Variants in SRGAP1 observed in about 807,000 individuals in gnomAD.
SRGAP1 encodes the protein SLIT-ROBO Rho GTPase activating protein 1.
In SRGAP1, 43 loss-of-function variants were observed where a neutral mutation model predicts 121.9. The observed-to-expected ratio is 0.35, with a 90% CI of 0.28 to 0.46. The LOEUF is 0.46. SRGAP1 is among the 20% of genes least tolerant of loss of function. The pLI, the probability that SRGAP1 is intolerant of heterozygous loss-of-function variation, is 1.00. For missense variants in SRGAP1, 1,102 were observed against 1,350.9 expected, an observed-to-expected ratio of 0.82 and a Z score of 2.89; for synonymous variants, 447 against 485.4, an observed-to-expected ratio of 0.92 and a Z score of 1.04.
At chr12:64,134,540 A>G (rs2036831546) in intron 21 of SRGAP1, among the ~76,000 whole-genome samples, 1 of 152,208 alleles carries the variant, frequency 6.6e-6, no homozygotes, top group Admixed American at 6.5e-5. Context: ...CACCATCCCA[A>G]TCTCCCTAAG....
At chr12:63,949,051 T>TAC (rs2032173342) in intron 1 of SRGAP1, among the ~76,000 whole-genome samples, 15 of 144,626 alleles carry the variant, frequency 1.0e-4, no homozygotes, top group African/African-American at 3.5e-4. Flanking sequence ...TCCATATATG[T>TAC]ATTTTCCATA....
rs1387872565 is a variant in SRGAP1, at chr12:64,153,931, A to G, written c.*11259A>G. ...GATGAATGGGTAAAGAAAATGTGCCATACACATAAAATAGAATATTATGCA... is the reference window on the plus strand; with the variant it reads ...GATGAATGGGTAAAGAAAATGTGCCGTACACATAAAATAGAATATTATGCA... On this transcript the variant is annotated 3_prime_UTR_variant, in exon 22 of 22. Coordinates refer to ENST00000355086, the MANE Select transcript of SRGAP1 (RefSeq NM_020762.4). 1.3e-5 allele frequency: 2 copies of G among 152,252 alleles called. No homozygotes were observed. Among genetic ancestry groups the G allele is most frequent in the Non-Finnish European group, 2.9e-5 (2 of 68,038 alleles). The allele number at this position is 152,252 out of a possible 1,614,324, so 9.4% of individuals were successfully genotyped here.
chr12:63,885,845 C>A (rs913871060), intron 1 of SRGAP1, among the ~76,000 whole-genome samples: 1 of 152,160 alleles, frequency 6.6e-6, no homozygotes, highest in African/African-American at 2.4e-5. Context: ...TGAATGCCTA[C>A]ACACACACAA....
chr12:64,047,144 T>C (rs1366617713), intron 6 of SRGAP1, among the ~76,000 whole-genome samples: 2 of 152,232 alleles, frequency 1.3e-5, no homozygotes, highest in Non-Finnish European at 2.9e-5. Context: ...AATTCTCAAA[T>C]AATATAACTT....
At chr12:63,979,960 A>C (rs2033202607) in intron 1 of SRGAP1, among the ~76,000 whole-genome samples, 1 of 152,194 alleles carries the variant, frequency 6.6e-6, no homozygotes, top group African/African-American at 2.4e-5. Context: ...TGTAGTTCCC[A>C]TGATGACAGT....
At chr12:63,998,406 C>T (rs762620599) in intron 3 of SRGAP1, among the ~76,000 whole-genome samples, 8 of 152,112 alleles carry the variant, frequency 5.3e-5, no homozygotes, top group Non-Finnish European at 1.2e-4. Flanking sequence ...AGAGTGGGTC[C>T]TAGTAGTAAC....
In SRGAP1 at chr12:63,844,875, A is replaced by G; in HGVS notation, c.59A>G (p.Gln20Arg). The G allele has an allele frequency of 1.2e-6, 2 of 1,614,148 alleles. No homozygotes were observed. The highest frequency in any genetic ancestry group is 1.7e-6 in the Non-Finnish European group (2 of 1,179,990). The change falls in exon 1 of 22, where the codon CAA becomes CGA. Residue 20 changes from glutamine (Q) to arginine (R), a missense_variant. This residue lies in a region of SRGAP1 where 747 missense variants were observed against 929.4 expected (regional missense o/e 0.80). Coordinates refer to ENST00000355086, the MANE Select transcript of SRGAP1 (RefSeq NM_020762.4). The surrounding 1 kb of genome is among the most constrained non-coding windows in gnomAD (Gnocchi z 4.3). ...GAGATCATAGCCGAGTATGAAAGTC[A>G]AGTCAAAGGTAAGGATGGGAGCGGC... The part of the protein sequence containing the change: ...DKEIIAEYES[Q>R]VKEIRAQLVE...
intron 4 of SRGAP1, among the ~76,000 whole-genome samples, chr12:64,023,253 C>T (rs1476444749): frequency 7.2e-6 from 1 of 139,004 alleles, no homozygotes; most frequent in Non-Finnish European, 1.5e-5. Flanking sequence ...TAAGAAACTA[C>T]GTTGATAGTA....
intron 1 of SRGAP1, among the ~76,000 whole-genome samples, chr12:63,917,482 T>A (rs908082353): frequency 6.6e-6 from 1 of 152,096 alleles, no homozygotes; most frequent in African/African-American, 2.4e-5. Flanking sequence ...GCAATGTGAG[T>A]CAACAGCACT....
At chr12:63,900,210 T>TTTCTTTTC (rs1459741763) in intron 1 of SRGAP1, among the ~76,000 whole-genome samples, 60 of 132,764 alleles carry the variant, frequency 4.5e-4, no homozygotes, top group African/African-American at 1.6e-3. Flanking sequence ...TTTTCTTTTT[T>TTTCTTTTC]TTTTTTTTTT....
chr12:63,971,732 A>T (rs890211967), intron 1 of SRGAP1, among the ~76,000 whole-genome samples: 1 of 151,966 alleles, frequency 6.6e-6, no homozygotes, highest in Non-Finnish European at 1.5e-5. Context: ...AAATCTTAAA[A>T]GGTGTGTGTG....
At chr12:63,885,166 C>G (rs1344298357) in intron 1 of SRGAP1, among the ~76,000 whole-genome samples, 5 of 152,142 alleles carry the variant, frequency 3.3e-5, no homozygotes, top group East Asian at 1.9e-4. Context: ...TTTTCCCCAC[C>G]AACAAGCAGC....
At chr12:63,917,099 A>G (rs1298293096) in intron 1 of SRGAP1, among the ~76,000 whole-genome samples, 1 of 152,218 alleles carries the variant, frequency 6.6e-6, no homozygotes, top group Non-Finnish European at 1.5e-5. Context: ...TGCAAGCTTT[A>G]TATCTACCCC....
chr12:63,955,046 G>A (rs1045338104), intron 1 of SRGAP1, among the ~76,000 whole-genome samples: 2 of 152,150 alleles, frequency 1.3e-5, no homozygotes, highest in Admixed American at 6.5e-5. Flanking sequence ...GGCCCGGCGC[G>A]GTGGCTCGCG....
intron 1 of SRGAP1, among the ~76,000 whole-genome samples, chr12:63,937,488 T>G (rs1237593913): frequency 6.6e-6 from 1 of 152,192 alleles, no homozygotes; most frequent in Non-Finnish European, 1.5e-5. Flanking sequence ...TGTAGTAGTA[T>G]TCTATGAATT....
Position 64,008,447 on chromosome 12 carries a change from G to A in SRGAP1, c.427-8503G>A, listed in dbSNP as rs112000397. 4.1e-3 allele frequency among the ~76,000 whole-genome samples: 624 copies of A among 152,248 alleles called. 11 individuals carry two copies. Among genetic ancestry groups the A allele is most frequent in the African/African-American group, 0.014 (585 of 41,506 alleles). ...CCAGTTAACTGGCTGTAGTTCTGAG[G>A]TGGTGCTATTCAGCCAAATGTCAAT... On this transcript the variant is annotated intron_variant, in intron 3 of 21. Transcript: ENST00000355086.
At chr12:63,894,627 C>T (rs186412634) in intron 1 of SRGAP1, among the ~76,000 whole-genome samples, 1 of 152,222 alleles carries the variant, frequency 6.6e-6, no homozygotes, top group Non-Finnish European at 1.5e-5. Context: ...CCCCACTTCC[C>T]CACCCCACGA....
At chr12:64,140,465 G>A (rs2036939226) in intron 21 of SRGAP1, among the ~76,000 whole-genome samples, 1 of 149,396 alleles carries the variant, frequency 6.7e-6, no homozygotes, top group Non-Finnish European at 1.5e-5. Flanking sequence ...CACATCCCTT[G>A]TAAGTTGGAT....
At chr12:63,884,741 A>ATTTT (rs1900316546) in intron 1 of SRGAP1, among the ~76,000 whole-genome samples, 2 of 90,106 alleles carry the variant, frequency 2.2e-5, no homozygotes, top group Admixed American at 1.4e-4. Context: ...TTTTTTTTTG[A>ATTTT]GATGGAGTCT....
Sources: allele counts gnomAD v4.1 joint callset (sites outside exome capture counted in the v4.1 genomes callset), GRCh38; gene constraint gnomAD v4.1.1; regional missense constraint gnomAD v4.1.1; non-coding constraint Gnocchi (gnomAD v3.1); transcripts MANE v1.5; gene names NCBI Gene and HGNC (gene_info 2026-07-23, HGNC 2026-07-21).